Variants in TNKS2 observed in about 807,000 individuals in gnomAD.
The protein encoded by TNKS2 is poly [ADP-ribose] polymerase tankyrase-2.
In TNKS2, 72 loss-of-function variants were observed where a neutral mutation model predicts 137.6. The observed-to-expected ratio is 0.52, with a 90% CI of 0.43 to 0.64. TNKS2 has a LOEUF of 0.64. Ranked by LOEUF, TNKS2 falls within the 30% of genes least tolerant of loss-of-function variation. The pLI, the probability that TNKS2 is intolerant of heterozygous loss-of-function variation, is 0.00. For synonymous variants in TNKS2, 516 were observed against 512.1 expected (o/e 1.01, Z -0.10); for missense variants, 1,049 against 1,410.2 (o/e 0.74, Z 4.10).
At chr10:91,833,251 C>G (rs1312627529) in intron 11 of TNKS2, among the ~76,000 whole-genome samples, 1 of 152,120 alleles carries the variant, frequency 6.6e-6, no homozygotes, top group Non-Finnish European at 1.5e-5. Context: ...AAAGTGCGTT[C>G]TAGGCCTTGA....
At position 91,827,031 on chromosome 10, in the gene TNKS2, A is replaced by C; in HGVS notation, c.810A>C (p.Val270=). The change falls in exon 8 of 27, where the codon GTA becomes GTC. Residue 270 remains valine, a synonymous_variant. Transcript: ENST00000371627. ...TTGCTCTCCAGCATGGTGCCTGTGT[A>C]AATGCAATGGACTTGTGGCAATTCA... is the stretch of plus-strand genomic sequence containing the variant. ...TELLVKHGAC[V]NAMDLWQFTP... is the part of the protein sequence containing the mutation. 1 of 1,580,076 alleles carries C rather than the reference A, an allele frequency of 6.3e-7. No homozygotes were observed. Among genetic ancestry groups the C allele is most frequent in the African/African-American group, 1.4e-5 (1 of 73,742 alleles).
intron 13 of TNKS2, among the ~76,000 whole-genome samples, chr10:91,837,875 A>G (rs1018217900): frequency 1.3e-5 from 2 of 152,110 alleles, no homozygotes; most frequent in Non-Finnish European, 2.9e-5. Context: ...TTTGATCCTC[A>G]TTATTCTCAT....
chr10:91,806,149 G>A (rs1844320910), intron 1 of TNKS2, among the ~76,000 whole-genome samples: 2 of 147,530 alleles, frequency 1.4e-5, no homozygotes, highest in African/African-American at 5.0e-5. Flanking sequence ...CTAAAATGTT[G>A]TTCAACATGA....
At chr10:91,812,354 G>A (rs2133599717) in intron 1 of TNKS2, among the ~76,000 whole-genome samples, 1 of 152,254 alleles carries the variant, frequency 6.6e-6, no homozygotes, top group African/African-American at 2.4e-5. Context: ...ACCTAAAGGA[G>A]GCCTCCTACA....
chr10:91,844,282 T>G (rs1177799322), intron 16 of TNKS2, among the ~76,000 whole-genome samples: 1 of 152,248 alleles, frequency 6.6e-6, no homozygotes, highest in Non-Finnish European at 1.5e-5. Context: ...AATTGTATTC[T>G]TCTTTACTTG....
At chr10:91,817,690 G>A (rs531302311) in intron 3 of TNKS2, among the ~76,000 whole-genome samples, 1 of 151,944 alleles carries the variant, frequency 6.6e-6, no homozygotes, top group Admixed American at 6.6e-5. Flanking sequence ...AAAAACACTG[G>A]CCATTCCGTT....
chr10:91,853,513 G>A (rs1842615580), intron 21 of TNKS2, among the ~76,000 whole-genome samples: 1 of 152,192 alleles, frequency 6.6e-6, no homozygotes. Flanking sequence ...TTTGCAAAGT[G>A]GAACTGGTAG....
chr10:91,806,365 T>C (rs1401437035), intron 1 of TNKS2, among the ~76,000 whole-genome samples: 4 of 152,066 alleles, frequency 2.6e-5, no homozygotes, highest in African/African-American at 9.7e-5. Context: ...GTCACAGAAG[T>C]ATGCAAGGAT....
intron 3 of TNKS2, among the ~76,000 whole-genome samples, chr10:91,819,033 G>A (rs1182036151): frequency 6.6e-6 from 1 of 151,980 alleles, no homozygotes; most frequent in Non-Finnish European, 1.5e-5. Flanking sequence ...AGTTGAGGTT[G>A]CCTTTCATTA....
At chr10:91,828,136 G>C in intron 8 of TNKS2, 149 bp from the exon 9 acceptor site, 1 of 860,616 alleles carries the variant, frequency 1.2e-6, no homozygotes, top group Non-Finnish European at 1.7e-6. Context: ...GTTTTCAGGG[G>C]TTAAATTTGG....
At chr10:91,826,300 A>C (rs1194074699) in intron 7 of TNKS2, among the ~76,000 whole-genome samples, 2 of 152,182 alleles carry the variant, frequency 1.3e-5, no homozygotes, top group Admixed American at 1.3e-4. Context: ...TGGATTTTGG[A>C]GTATTTTGCA....
chr10:91,848,447 A>T lies in TNKS2; in HGVS notation c.2423A>T (p.Lys808Met). ...CCATCTGCTCTGCCCTCTTGTTACA[A>T]GCCTCAAGTGCTCAATGGTGTGAGA... Reference protein sequence around the residue: ...MPPSALPSCYKPQVLNGVRSP... With the variant: ...MPPSALPSCYMPQVLNGVRSP... Residue 808 changes from lysine (K) to methionine (M), a missense_variant, in exon 19 of 27, where the codon AAG (lysine) becomes ATG (methionine). This residue lies in a region of TNKS2 where 208 missense variants were observed against 231.2 expected (regional missense o/e 0.90). Coordinates refer to ENST00000371627, the MANE Select transcript of TNKS2 (RefSeq NM_025235.4). 1 of 1,614,172 alleles carries T rather than the reference A, an allele frequency of 6.2e-7. No individual in the cohort carries two copies. The highest frequency in any genetic ancestry group is 1.7e-5 in the Admixed American group (1 of 60,020).
intron 1 of TNKS2, among the ~76,000 whole-genome samples, chr10:91,808,276 A>G (rs1844394975): frequency 6.6e-6 from 1 of 151,684 alleles, no homozygotes; most frequent in African/African-American, 2.4e-5. Flanking sequence ...GCTTTGTGCA[A>G]GGGAAGAGCA....
At chr10:91,802,878 C>A (rs1473753517) in intron 1 of TNKS2, among the ~76,000 whole-genome samples, 2 of 152,216 alleles carry the variant, frequency 1.3e-5, no homozygotes, top group African/African-American at 4.8e-5. Flanking sequence ...AAATAAAGAT[C>A]AGTCTATTTA....
intron 7 of TNKS2, among the ~76,000 whole-genome samples, chr10:91,824,112 C>T (rs1461603244): frequency 6.6e-6 from 1 of 152,164 alleles, no homozygotes; most frequent in African/African-American, 2.4e-5. Flanking sequence ...GAAAGGCTGA[C>T]TAGAGGTCAT....
At position 91,798,622 on chromosome 10, in the gene TNKS2, C is replaced by T; in HGVS notation, c.-69C>T. The stretch of plus-strand genomic sequence containing the variant: ...GTCTTCTCCGGGGGGCCTCGCCCTC[C>T]TGCTCGCGGGGCCGGGGCTCCTGCT... On this transcript the variant is annotated 5_prime_UTR_variant, in exon 1 of 27. Coordinates refer to ENST00000371627, the MANE Select transcript of TNKS2 (RefSeq NM_025235.4). 8.3e-7 allele frequency: 1 copy of T among 1,208,324 alleles called. No homozygotes were observed. The highest frequency in any genetic ancestry group is 1.6e-5 in the African/African-American group (1 of 63,484). The allele number at this position is 1,208,324 out of a possible 1,614,324, so 74.9% of individuals were successfully genotyped here.
At chr10:91,847,103 A>G (rs886194384) in intron 18 of TNKS2, among the ~76,000 whole-genome samples, 3 of 152,242 alleles carry the variant, frequency 2.0e-5, no homozygotes, top group African/African-American at 7.2e-5. Flanking sequence ...GTACATAAAA[A>G]GCACTCAATA....
chr10:91,841,652 T>G (rs1264183092), intron 15 of TNKS2, among the ~76,000 whole-genome samples: 1 of 152,146 alleles, frequency 6.6e-6, no homozygotes, highest in African/African-American at 2.4e-5. Flanking sequence ...GTTATTTTTG[T>G]CTAGAGCCAA....
chr10:91,798,967 C>G, intron 1 of TNKS2, 78 bp downstream of exon 1: 1 of 1,269,586 alleles, frequency 7.9e-7, no homozygotes, highest in Non-Finnish European at 1.0e-6. Context: ...GAAACCAGTG[C>G]TCCTCCGCCT....
Sources: allele counts gnomAD v4.1 joint callset (sites outside exome capture counted in the v4.1 genomes callset), GRCh38; gene constraint gnomAD v4.1.1; regional missense constraint gnomAD v4.1.1; transcripts MANE v1.5; gene names NCBI Gene and HGNC (gene_info 2026-07-23, HGNC 2026-07-21).